PTPRZ1: variants seen among roughly 807,000 people sequenced by gnomAD.
PTPRZ1 encodes protein tyrosine phosphatase receptor type Z1, also known as receptor-type tyrosine-protein phosphatase zeta.
A neutral mutation model predicts 214.1 loss-of-function variants in PTPRZ1; 82 were observed. The ratio of observed to expected loss-of-function variants is 0.38; its 90% CI spans 0.32 to 0.46. The LOEUF is 0.46. Ranked by LOEUF, PTPRZ1 falls within the 20% of genes least tolerant of loss-of-function variation. PTPRZ1 has a pLI of 1.00. For synonymous variants in PTPRZ1, 945 were observed against 987.9 expected (o/e 0.96, Z 0.81); for missense variants, 2,603 against 2,748.7 (o/e 0.95, Z 1.19).
intron 2 of PTPRZ1, among the ~76,000 whole-genome samples, chr7:121,936,579 C>T (rs1266250440): frequency 6.6e-6 from 1 of 152,186 alleles, no homozygotes; most frequent in Non-Finnish European, 1.5e-5. Context: ...TGCAAAATCA[C>T]ATCAGATTCA....
chr7:121,981,233 T>A (rs186372418), intron 6 of PTPRZ1, among the ~76,000 whole-genome samples: 358 of 152,316 alleles, frequency 2.4e-3, no homozygotes, highest in Non-Finnish European at 4.3e-3. Context: ...ACCCTGCATG[T>A]TTGCATCACC....
At chr7:121,989,911 T>A (rs1354285842) in intron 8 of PTPRZ1, among the ~76,000 whole-genome samples, 6 of 152,174 alleles carry the variant, frequency 3.9e-5, no homozygotes, top group Non-Finnish European at 2.9e-5. Context: ...TCCATCCAGA[T>A]CTTTCTCTGA....
chr7:122,057,260 A>C (rs1792381588), intron 27 of PTPRZ1, among the ~76,000 whole-genome samples: 1 of 151,900 alleles, frequency 6.6e-6, no homozygotes, highest in Non-Finnish European at 1.5e-5. Flanking sequence ...GTATGAGTGC[A>C]CTACATCCTC....
chr7:122,059,183 G>A (rs1306375796), intron 28 of PTPRZ1, among the ~76,000 whole-genome samples: 1 of 151,796 alleles, frequency 6.6e-6, no homozygotes, highest in Non-Finnish European at 1.5e-5. Context: ...TGCATTTGAT[G>A]CTGAGAACAC....
At chr7:121,960,744 T>C (rs1210153693) in intron 2 of PTPRZ1, among the ~76,000 whole-genome samples, 1 of 152,180 alleles carries the variant, frequency 6.6e-6, no homozygotes, top group Admixed American at 6.5e-5. Flanking sequence ...AAACCTGCAT[T>C]GGTATTTTTT....
intron 1 of PTPRZ1, among the ~76,000 whole-genome samples, chr7:121,882,203 A>G (rs1186258417): frequency 6.6e-6 from 1 of 152,240 alleles, no homozygotes; most frequent in Non-Finnish European, 1.5e-5. Context: ...CTTGGGATAA[A>G]TATTCCTCCA....
chr7:122,049,530 C>T (rs1379130109), intron 23 of PTPRZ1, among the ~76,000 whole-genome samples: 2 of 151,748 alleles, frequency 1.3e-5, no homozygotes, highest in Non-Finnish European at 2.9e-5. Flanking sequence ...AAAAAAGAAC[C>T]CAATCATTAA....
intron 11 of PTPRZ1, among the ~76,000 whole-genome samples, chr7:122,009,151 T>C (rs1274250509): frequency 6.6e-6 from 1 of 152,108 alleles, no homozygotes; most frequent in Non-Finnish European, 1.5e-5. Flanking sequence ...TTGTCACTTA[T>C]GCTTCAGAAG....
chr7:121,919,203 G>A (rs1431491468), intron 1 of PTPRZ1, among the ~76,000 whole-genome samples: 1 of 152,024 alleles, frequency 6.6e-6, no homozygotes, highest in Non-Finnish European at 1.5e-5. Flanking sequence ...TATTTAAAAA[G>A]TAATAATAAA....
chr7:121,892,426 G>C (rs907726029), intron 1 of PTPRZ1, among the ~76,000 whole-genome samples: 7 of 151,868 alleles, frequency 4.6e-5, no homozygotes, highest in African/African-American at 1.7e-4. Context: ...TGGTGGGATA[G>C]GAAATCTTCA....
At chr7:121,994,757 C>CA (rs556815088) in intron 8 of PTPRZ1, among the ~76,000 whole-genome samples, 61 of 152,254 alleles carry the variant, frequency 4.0e-4, no homozygotes, top group African/African-American at 1.3e-3. Flanking sequence ...TGGTGGACAT[C>CA]AGTAGAAGTC....
intron 15 of PTPRZ1, among the ~76,000 whole-genome samples, chr7:122,033,703 AG>A (rs1799454044): frequency 1.3e-5 from 2 of 152,098 alleles, no homozygotes; most frequent in African/African-American, 4.8e-5. Context: ...AAAACAAAAA[AG>A]CACATCACTA....
In PTPRZ1 at chr7:122,030,644, T is replaced by A. The variant is rs140944667; in HGVS notation, c.5081-830T>A. ...GTAACTGAAGCTTTAAAATATTAGATGGCCTAAATGCTGAACATCTGTTGC... is the reference window on the plus strand; with the variant it reads ...GTAACTGAAGCTTTAAAATATTAGAAGGCCTAAATGCTGAACATCTGTTGC... On this transcript the variant is annotated intron_variant, in intron 14 of 29. Transcript: ENST00000393386. Among the ~76,000 whole-genome samples, 22 of 152,174 alleles carry A rather than the reference T, an allele frequency of 1.4e-4. No homozygotes were observed. The East Asian group carries it at 3.7e-3, about 25-fold the overall frequency.
At chr7:121,902,238 TTC>T (rs1794982960) in intron 1 of PTPRZ1, among the ~76,000 whole-genome samples, 1 of 152,208 alleles carries the variant, frequency 6.6e-6, no homozygotes, top group African/African-American at 2.4e-5. Flanking sequence ...CATTTTAAAA[TTC>T]ATTTATCCAT....
At chr7:121,999,837 T>C (rs1798266963) in intron 10 of PTPRZ1, among the ~76,000 whole-genome samples, 1 of 152,160 alleles carries the variant, frequency 6.6e-6, no homozygotes, top group Admixed American at 6.5e-5. Flanking sequence ...TGGCACAAAG[T>C]ATAATATTCT....
chr7:122,011,553 A>G lies in PTPRZ1; in HGVS notation c.2507A>G (p.His836Arg), dbSNP rs759142145. 1 of 1,613,916 alleles carries G rather than the reference A, an allele frequency of 6.2e-7. No homozygotes were observed. Among genetic ancestry groups the G allele is most frequent in the Non-Finnish European group, 8.5e-7 (1 of 1,180,018 alleles). Reference sequence around the variant, plus strand: ...AGTAGTGAATTGTTTCGCCATCTGCATACAGTTTCTCAAATCCTTCCACAA... The same window carrying G: ...AGTAGTGAATTGTTTCGCCATCTGCGTACAGTTTCTCAAATCCTTCCACAA... ...SFSSELFRHL[H>R]TVSQILPQVT... Residue 836 changes from histidine to arginine, a missense_variant, in exon 12 of 30, where the codon CAT becomes CGT. This residue lies in a region of PTPRZ1 where 1,913 missense variants were observed against 1,914.3 expected (regional missense o/e 1.00). Transcript: ENST00000393386.
chr7:121,912,610 G>T (rs1260057272), intron 1 of PTPRZ1, among the ~76,000 whole-genome samples: 2 of 152,202 alleles, frequency 1.3e-5, no homozygotes, highest in African/African-American at 4.8e-5. Context: ...TTTTAGGGTA[G>T]CAGTGCTTAA....
chr7:121,933,919 A>G lies in PTPRZ1; in HGVS notation c.124+5698A>G, dbSNP rs573946869. ...CTTTGATTCACCACTTCTTATATAA[A>G]CAGACTGTTCCTTTCTAATTTCCAA... is the stretch of plus-strand genomic sequence containing the variant. On this transcript the variant is annotated intron_variant, in intron 2 of 29. Coordinates refer to ENST00000393386, the MANE Select transcript of PTPRZ1 (RefSeq NM_002851.3). Among the ~76,000 whole-genome samples the G allele has an allele frequency of 5.3e-5, 8 of 152,262 alleles. No homozygotes were observed. The South Asian group carries it at 6.2e-4, about 12-fold the overall frequency.
intron 1 of PTPRZ1, among the ~76,000 whole-genome samples, chr7:121,918,045 T>TAA (rs76675001): frequency 7.0e-6 from 1 of 142,476 alleles, no homozygotes; most frequent in Non-Finnish European, 1.6e-5. Flanking sequence ...CTAGACCGGC[T>TAA]AAAAAAAAAA....
Sources: gnomAD v4.1 joint callset for allele counts (sites outside exome capture counted in the v4.1 genomes callset) on GRCh38, gnomAD v4.1.1 for gene constraint, gnomAD v4.1.1 regional missense constraint, MANE v1.5 for transcripts, NCBI Gene and HGNC (gene_info 2026-07-23, HGNC 2026-07-21) for gene names.